SUFU: variants seen among roughly 807,000 people sequenced by gnomAD.
SUFU encodes the protein suppressor of fused homolog.
A neutral mutation model predicts 58.9 loss-of-function variants in SUFU; 7 were observed. The ratio of observed to expected loss-of-function variants is 0.12; its 90% CI spans 0.07 to 0.22. SUFU has a LOEUF of 0.22. Among genes scored for constraint, SUFU ranks in the 10% least tolerant of loss-of-function variants. The pLI, the probability that SUFU is intolerant of heterozygous loss-of-function variation, is 1.00. For synonymous variants in SUFU, 232 were observed against 254.8 expected, an observed-to-expected ratio of 0.91 and a Z score of 0.85; for missense variants, 451 against 641.3, an observed-to-expected ratio of 0.70 and a Z score of 3.20.
intron 2 of SUFU, among the ~76,000 whole-genome samples, chr10:102,528,913 G>A (rs1047776628): frequency 2.0e-5 from 3 of 151,610 alleles, no homozygotes; most frequent in African/African-American, 7.3e-5. Context: ...TGGACTCCCA[G>A]GTCAGAGTAT....
Position 102,506,579 on chromosome 10 carries a change from A to G in SUFU, c.182+2245A>G, listed in dbSNP as rs565499760. On this transcript the variant is annotated intron_variant, in intron 1 of 11. Coordinates refer to ENST00000369902, the MANE Select transcript of SUFU (RefSeq NM_016169.4). ...TTTTTAGTAGAGGCAGAGTTTCACC[A>G]TGTTGGCCAGGCTGGTCTCGAACTC... Among the ~76,000 whole-genome samples the G allele has an allele frequency of 9.7e-4, 148 of 152,270 alleles. 3 individuals are homozygous for G. In the South Asian group the frequency reaches 0.03, roughly 31 times the overall value.
At position 102,618,947 on chromosome 10, in the gene SUFU, T is replaced by C. The variant is rs555902333; in HGVS notation, c.1296+1519T>C. On this transcript the variant is annotated intron_variant, in intron 10 of 11. Coordinates refer to ENST00000369902, the MANE Select transcript of SUFU (RefSeq NM_016169.4). ...CTCAGGTAGCGTGTGTGTGTGTGTG[T>C]GTGTGTGTGTGTGTGTGTGTGTGTG... is the stretch of plus-strand genomic sequence containing the variant. 34 of 703,572 alleles carry C rather than the reference T, an allele frequency of 4.8e-5. No homozygotes were observed. The South Asian group carries it at 5.6e-4, about 12-fold the overall frequency. The allele number at this position is 703,572 out of a possible 1,614,324, so 43.6% of individuals were successfully genotyped here.
intron 3 of SUFU, among the ~76,000 whole-genome samples, chr10:102,563,179 AT>A (rs1295599547): frequency 1.3e-5 from 2 of 152,170 alleles, no homozygotes; most frequent in Non-Finnish European, 2.9e-5. Flanking sequence ...GAGCTTTTTC[AT>A]CAGTTATATT....
chr10:102,562,307 G>T (rs974121322), intron 3 of SUFU, among the ~76,000 whole-genome samples: 1 of 150,554 alleles, frequency 6.6e-6, no homozygotes, highest in African/African-American at 2.4e-5. Context: ...GGTGGATCAC[G>T]AGGTCAAGAG....
chr10:102,602,238 C>A (rs1328032290), intron 8 of SUFU, among the ~76,000 whole-genome samples: 1 of 152,294 alleles, frequency 6.6e-6, no homozygotes, highest in South Asian at 2.1e-4. Context: ...AGTATCTTTT[C>A]CAAGGTTGGA....
chr10:102,578,731 C>T (rs923460821), intron 3 of SUFU, among the ~76,000 whole-genome samples: 4 of 150,484 alleles, frequency 2.7e-5, no homozygotes, highest in Admixed American at 6.6e-5. Flanking sequence ...ATTAGATGGA[C>T]ATGATGGTGC....
upstream of SUFU, among the ~76,000 whole-genome samples, chr10:102,503,726 C>T (rs1460057494): frequency 6.6e-6 from 1 of 152,254 alleles, no homozygotes; most frequent in Non-Finnish European, 1.5e-5. Flanking sequence ...GCACTTCTCG[C>T]TGCTTTCGTG....
In SUFU at chr10:102,617,569, CTG is replaced by C; in HGVS notation, c.1296+147_1296+148del. 8.3e-7 allele frequency: 1 copy of C among 1,200,472 alleles called. No individual in the cohort carries two copies. 74.4% of individuals were successfully genotyped at this position (1,200,472 alleles called of 1,614,324 possible). On this transcript the variant is annotated intron_variant, in intron 10 of 11. Transcript: ENST00000369902. The surrounding 1 kb of genome is among the most constrained non-coding windows in gnomAD (Gnocchi z 4.4). ...GCCTCATGGATTCAGGGCCTGGGGCCTGTGTGTAGGTATGGAGTGTGGATGCT... is the reference window on the plus strand; with the variant it reads ...GCCTCATGGATTCAGGGCCTGGGGCCTGTGTAGGTATGGAGTGTGGATGCT...
chr10:102,548,379 A>G (rs372927138), intron 2 of SUFU, among the ~76,000 whole-genome samples: 1 of 152,052 alleles, frequency 6.6e-6, no homozygotes, highest in Non-Finnish European at 1.5e-5. Context: ...TTTCTATCCC[A>G]TCTCCTGGCC....
At chr10:102,596,802 A>C (rs1036178550) in intron 6 of SUFU, among the ~76,000 whole-genome samples, 5 of 152,242 alleles carry the variant, frequency 3.3e-5, no homozygotes, top group Admixed American at 3.3e-4. Context: ...CATCAGCCCC[A>C]CCAGCCAGCG....
chr10:102,621,666 C>T (rs1262445630), intron 10 of SUFU, among the ~76,000 whole-genome samples: 1 of 152,232 alleles, frequency 6.6e-6, no homozygotes, highest in East Asian at 1.9e-4. Context: ...GCCAGAGCAG[C>T]TCCTTGGCAG....
chr10:102,578,313 C>T (rs1285559181), intron 3 of SUFU, among the ~76,000 whole-genome samples: 5 of 151,616 alleles, frequency 3.3e-5, no homozygotes, highest in African/African-American at 1.2e-4. Context: ...CATGATGGCT[C>T]ATGCCTGTAA....
At chr10:102,610,402 A>AAAAAAAAG (rs56097056) in intron 8 of SUFU, among the ~76,000 whole-genome samples, 3 of 151,354 alleles carry the variant, frequency 2.0e-5, no homozygotes, top group Non-Finnish European at 2.9e-5. Flanking sequence ...CAAAAAAAAA[A>AAAAAAAAG]AGAAAAAGAG....
At chr10:102,554,327 T>A (rs886647810) in intron 3 of SUFU, among the ~76,000 whole-genome samples, 2 of 152,050 alleles carry the variant, frequency 1.3e-5, no homozygotes, top group Non-Finnish European at 2.9e-5. Context: ...CACTTGAACC[T>A]GGGAGGCAGA....
At chr10:102,582,034 C>T (rs2063285495) in intron 3 of SUFU, among the ~76,000 whole-genome samples, 1 of 152,166 alleles carries the variant, frequency 6.6e-6, no homozygotes, top group Non-Finnish European at 1.5e-5. Flanking sequence ...AGTCCAGCTG[C>T]GTTTCCTGCC....
rs2063473719 is a variant in SUFU, at chr10:102,597,310, A to G, written c.910+17A>G. ...CTGGCAAAGGTGGGAGCCATCACTC[A>G]GCATTCCACCAGCCTTCCTCCTTCC... On this transcript the variant is annotated intron_variant, in intron 7 of 11. Transcript: ENST00000369902. 1.2e-6 allele frequency: 2 copies of G among 1,609,940 alleles called. No individual in the cohort carries two copies. The highest frequency in any genetic ancestry group is 2.2e-5 in the East Asian group (1 of 44,806).
intron 2 of SUFU, among the ~76,000 whole-genome samples, chr10:102,544,811 T>A (rs1321962467): frequency 6.6e-6 from 1 of 152,218 alleles, no homozygotes; most frequent in African/African-American, 2.4e-5. Context: ...CACCAACCTA[T>A]TTTCTGTCTC....
chr10:102,578,042 T>C (rs1207873069), intron 3 of SUFU, among the ~76,000 whole-genome samples: 1 of 148,314 alleles, frequency 6.7e-6, no homozygotes, highest in Non-Finnish European at 1.5e-5. Flanking sequence ...GGCTGGTGGC[T>C]CATGCCTGTA....
At chr10:102,504,384 A>G (rs1449809175) in intron 1 of SUFU, 50 bp downstream of exon 1, 3 of 1,606,672 alleles carry the variant, frequency 1.9e-6, no homozygotes, top group Admixed American at 1.7e-5. Flanking sequence ...GGAAAGGGTT[A>G]AAGCGCCGAG....
Sources: gnomAD v4.1 joint callset for allele counts (sites outside exome capture counted in the v4.1 genomes callset) on GRCh38, gnomAD v4.1.1 for gene constraint, Gnocchi (gnomAD v3.1) non-coding constraint, MANE v1.5 for transcripts, NCBI Gene and HGNC (gene_info 2026-07-23, HGNC 2026-07-21) for gene names.